DTD1: variants seen among roughly 807,000 people sequenced by gnomAD.
The protein encoded by DTD1 is D-aminoacyl-tRNA deacylase 1.
In DTD1, 13 loss-of-function variants were observed where a neutral mutation model predicts 25.6. The ratio of observed to expected loss-of-function variants is 0.51; its 90% CI spans 0.33 to 0.81. The LOEUF (loss-of-function observed/expected upper bound fraction) is 0.81. Ranked by LOEUF, DTD1 falls within the 30% of genes least tolerant of loss-of-function variation. The pLI is 0.02. For missense variants in DTD1, 193 were observed against 266.4 expected (o/e 0.72, Z 1.92); for synonymous variants, 110 against 103.6 (o/e 1.06, Z -0.37).
intron 4 of DTD1, among the ~76,000 whole-genome samples, chr20:18,676,687 C>T (rs1373291300): frequency 6.6e-6 from 1 of 152,178 alleles, no homozygotes; most frequent in African/African-American, 2.4e-5. Context: ...TCTTCAGAGC[C>T]TTGAAGACCA....
intron 4 of DTD1, among the ~76,000 whole-genome samples, chr20:18,738,735 A>G (rs1448832236): frequency 6.6e-6 from 1 of 151,624 alleles, no homozygotes; most frequent in African/African-American, 2.4e-5. Context: ...GAAGTAGGAG[A>G]CTCCTGCCAG....
At chr20:18,646,643 G>A (rs1297617288) in intron 4 of DTD1, among the ~76,000 whole-genome samples, 2 of 152,198 alleles carry the variant, frequency 1.3e-5, no homozygotes, top group Non-Finnish European at 2.9e-5. Flanking sequence ...GTTGGGCCAG[G>A]TGATCCTATG....
chr20:18,754,986 A>G (rs2061333394), intron 5 of DTD1, among the ~76,000 whole-genome samples: 2 of 152,242 alleles, frequency 1.3e-5, no homozygotes, highest in Non-Finnish European at 2.9e-5. Flanking sequence ...AGGCATACCT[A>G]ATGGATTGTC....
intron 1 of DTD1, 34 bp downstream of exon 1, chr20:18,588,149 G>T: frequency 1.6e-6 from 2 of 1,241,130 alleles, no homozygotes; most frequent in Non-Finnish European, 2.0e-6. Flanking sequence ...GGGAGGAGCC[G>T]CCCCTGACCC....
At chr20:18,632,360 T>C (rs2060791949) in intron 4 of DTD1, 10 of 985,450 alleles carry the variant, frequency 1.0e-5, no homozygotes, top group Non-Finnish European at 1.2e-5. Context: ...CCCTGAACAT[T>C]GCACTGCGCT....
intron 4 of DTD1, among the ~76,000 whole-genome samples, chr20:18,712,106 A>G (rs2061161522): frequency 6.6e-6 from 1 of 151,602 alleles, no homozygotes; most frequent in Admixed American, 6.6e-5. Flanking sequence ...TTCCACAAAT[A>G]TTTCTTCATC....
intron 4 of DTD1, among the ~76,000 whole-genome samples, chr20:18,715,854 C>T (rs935102336): frequency 7.9e-5 from 12 of 152,110 alleles, no homozygotes; most frequent in African/African-American, 2.7e-4. Flanking sequence ...TGCTTTATCT[C>T]GGGAGGAGTC....
chr20:18,646,501 A>G (rs2060851075), intron 4 of DTD1, among the ~76,000 whole-genome samples: 2 of 152,224 alleles, frequency 1.3e-5, no homozygotes, highest in South Asian at 4.1e-4. Context: ...AACTAAAGGA[A>G]GGAAAAGAGG....
At chr20:18,616,855 C>T (rs370781876) in intron 3 of DTD1, among the ~76,000 whole-genome samples, 74 of 152,282 alleles carry the variant, frequency 4.9e-4, no homozygotes, top group Middle Eastern at 3.4e-3. Context: ...TGGGGTTTTG[C>T]ACTCCTGCAC....
intron 4 of DTD1, among the ~76,000 whole-genome samples, chr20:18,665,800 A>G (rs1230043768): frequency 6.6e-6 from 1 of 152,232 alleles, no homozygotes; most frequent in Admixed American, 6.5e-5. Flanking sequence ...TTTCTCTCGC[A>G]TGTTACACAC....
chr20:18,617,007 C>T (rs925069851), intron 3 of DTD1, among the ~76,000 whole-genome samples: 1 of 152,156 alleles, frequency 6.6e-6, no homozygotes, highest in Non-Finnish European at 1.5e-5. Flanking sequence ...GGCTCTTTCC[C>T]CCTCCTGTCC....
Position 18,595,878 on chromosome 20 carries a change from C to T in DTD1, c.135-128C>T, listed in dbSNP as rs894068381. ...ATAAGTGACTTGCCTGAGGTCATGC[C>T]TCCTGTCAGGGATGGAGTCATCATT... On this transcript the variant is annotated intron_variant, in intron 2 of 5. Transcript: ENST00000377452. 3 of 758,506 alleles carry T rather than the reference C, an allele frequency of 4.0e-6. No individual in the cohort carries two copies. In the African/African-American group the frequency reaches 5.1e-5, roughly 13 times the overall value. The allele number at this position is 758,506 out of a possible 1,614,324, so 47.0% of individuals were successfully genotyped here. A position where few individuals can be genotyped will look rare whatever the true frequency, so the allele number is the denominator to read the frequency against.
chr20:18,612,444 G>A (rs545366747), intron 3 of DTD1, among the ~76,000 whole-genome samples: 4 of 152,026 alleles, frequency 2.6e-5, no homozygotes, highest in East Asian at 3.9e-4. Flanking sequence ...TCTTTATCTC[G>A]TTGAATACTC....
intron 3 of DTD1, among the ~76,000 whole-genome samples, chr20:18,622,379 A>C (rs531131319): frequency 1.1e-3 from 171 of 152,296 alleles, no homozygotes; most frequent in Non-Finnish European, 1.9e-3. Context: ...AGGGTGCCTA[A>C]GTTACCTGAC....
At chr20:18,608,561 C>T (rs188988139) in intron 3 of DTD1, among the ~76,000 whole-genome samples, 14 of 152,226 alleles carry the variant, frequency 9.2e-5, no homozygotes. Flanking sequence ...GTTCTTTCTT[C>T]TTTTCTAATA....
intron 4 of DTD1, among the ~76,000 whole-genome samples, chr20:18,648,707 C>A (rs1046740807): frequency 1.3e-5 from 2 of 151,858 alleles, no homozygotes; most frequent in South Asian, 2.1e-4. Flanking sequence ...AGATTATTGG[C>A]GTGAATTTTA....
At chr20:18,760,063 C>T (rs561025688) in intron 5 of DTD1, among the ~76,000 whole-genome samples, 4 of 152,310 alleles carry the variant, frequency 2.6e-5, no homozygotes, top group South Asian at 4.1e-4. Context: ...ACATAGTTCT[C>T]GTGTCGTGGT....
At chr20:18,713,720 C>A (rs191841642) in intron 4 of DTD1, among the ~76,000 whole-genome samples, 2 of 152,308 alleles carry the variant, frequency 1.3e-5, no homozygotes, top group African/African-American at 4.8e-5. Context: ...TGCACTTTCT[C>A]TAGACTAAGG....
intron 3 of DTD1, among the ~76,000 whole-genome samples, chr20:18,600,386 T>A (rs2060628924): frequency 6.6e-6 from 1 of 152,212 alleles, no homozygotes; most frequent in Non-Finnish European, 1.5e-5. Flanking sequence ...TTGCCTTTGC[T>A]CCTTTGTCAA....
Sources: gnomAD v4.1 joint callset for allele counts (sites outside exome capture counted in the v4.1 genomes callset) on GRCh38, gnomAD v4.1.1 for gene constraint, MANE v1.5 for transcripts, NCBI Gene and HGNC (gene_info 2026-07-23, HGNC 2026-07-21) for gene names.